The following FARSA variants were observed in gnomAD, a reference collection of about 807,000 sequenced individuals.
FARSA encodes the protein phenylalanine--tRNA ligase alpha subunit.
A neutral mutation model predicts 63.2 loss-of-function variants in FARSA; 37 were observed. That is an observed-to-expected ratio of 0.59 (90% CI 0.45 to 0.77). The LOEUF is 0.77. Among genes scored for constraint, FARSA ranks in the 30% least tolerant of loss-of-function variants. The pLI is 0.00. For synonymous variants in FARSA, 312 were observed against 285.1 expected (o/e 1.09, Z -0.95); for missense variants, 618 against 696.6 (o/e 0.89, Z 1.27).
chr19:12,932,197 T>A (rs1971405517), intron 1 of FARSA, among the ~76,000 whole-genome samples: 1 of 151,666 alleles, frequency 6.6e-6, no homozygotes, highest in African/African-American at 2.4e-5. Flanking sequence ...CCTGGCTAAT[T>A]TTTTTTTGTA....
chr19:12,931,029 C>T (rs572414423), intron 1 of FARSA, among the ~76,000 whole-genome samples: 1 of 152,284 alleles, frequency 6.6e-6, no homozygotes, highest in Admixed American at 6.5e-5. Flanking sequence ...CAAATTCTGT[C>T]GGTTTTGAAC....
Position 12,924,213 on chromosome 19 carries a change from C to T in FARSA, c.1326G>A (p.Met442Ile), listed in dbSNP as rs1040048028. ...TCTCGGGAAGCCCCATGGGCAGCAGCATCTCTGGACGGAAGACCCCCGAGT... is the reference window on the plus strand; with the variant it reads ...TCTCGGGAAGCCCCATGGGCAGCAGTATCTCTGGACGGAAGACCCCCGAGT... The part of the protein sequence containing the change: ...VGNSGVFRPE[M>I]LLPMGLPENV... Residue 442 changes from methionine to isoleucine, a missense_variant, in exon 12 of 13, where the codon ATG becomes ATA. Transcript: ENST00000314606. The surrounding 1 kb of genome is among the most constrained non-coding windows in gnomAD (Gnocchi z 6.4). The T allele has an allele frequency of 6.2e-7, 1 of 1,614,162 alleles. No individual in the cohort carries two copies. The highest frequency in any genetic ancestry group is 1.3e-5 in the African/African-American group (1 of 75,046).
At chr19:12,926,421 G>A (rs867496293) in intron 7 of FARSA, among the ~76,000 whole-genome samples, 12 of 150,390 alleles carry the variant, frequency 8.0e-5, no homozygotes, top group Admixed American at 2.0e-4. Context: ...ACAGGCGCCC[G>A]CCACTATGCC....
chr19:12,924,474 G>A lies in FARSA; in HGVS notation c.1248C>T (p.Ser416=). 1 of 1,613,468 alleles carries A rather than the reference G, an allele frequency of 6.2e-7. No homozygotes were observed. The highest frequency in any genetic ancestry group is 8.5e-7 in the Non-Finnish European group (1 of 1,180,006). Residue 416 remains serine, a synonymous_variant, in exon 11 of 13, where the codon AGC becomes AGT. Transcript: ENST00000314606. This position sits in a 1 kb window ranked among gnomAD's most constrained non-coding sequence, Gnocchi z 6.4. ...CTTGGTGGTAGCTGAACACCTCCAT[G>A]CTGGGCTCTGTGTATGGGTTGTAGG... ...KPAYNPYTEP[S]MEVFSYHQGL...
At chr19:12,926,201 G>A (rs1366721438) in intron 7 of FARSA, among the ~76,000 whole-genome samples, 23 of 147,292 alleles carry the variant, frequency 1.6e-4, no homozygotes, top group Admixed American at 1.4e-3. Context: ...TCCACCCACC[G>A]TGGCCTCCCA....
In FARSA at chr19:12,930,541, G is replaced by A. The variant is rs982891564; in HGVS notation, c.286-14C>T. The A allele has an allele frequency of 1.2e-6, 2 of 1,612,202 alleles. No individual in the cohort carries two copies. The highest frequency in any genetic ancestry group is 2.7e-5 in the African/African-American group (2 of 75,060). On this transcript the variant is annotated splice_polypyrimidine_tract_variant and intron_variant, in intron 2 of 12. Coordinates refer to ENST00000314606, the MANE Select transcript of FARSA (RefSeq NM_004461.3). Reference sequence around the variant, plus strand: ...ACTGGGCAGTCGCTGGAAAAGAGAGGCTGCAGTGAGTGGGGCACGAGGGCC... The same window carrying A: ...ACTGGGCAGTCGCTGGAAAAGAGAGACTGCAGTGAGTGGGGCACGAGGGCC...
chr19:12,923,024 A>C, intron 12 of FARSA, 138 bp from the exon 13 acceptor site: 1 of 1,098,050 alleles, frequency 9.1e-7, no homozygotes, highest in Non-Finnish European at 1.3e-6. Flanking sequence ...CAACTGCTCT[A>C]TCACCTCTCA....
chr19:12,927,894 C>T (rs1163332595), intron 7 of FARSA, among the ~76,000 whole-genome samples: 1 of 146,612 alleles, frequency 6.8e-6, no homozygotes, highest in Non-Finnish European at 1.5e-5. Context: ...TGGTGGTATG[C>T]ACCTGTAATC....
rs1971417302 is a variant in FARSA at position 12,933,476 on chromosome 19, G to C, written c.147+74C>G. 1.0e-5 allele frequency: 15 copies of C among 1,495,128 alleles called. 1 individual carries two copies. In the South Asian group the frequency reaches 1.8e-4, roughly 18 times the overall value. The allele number at this position is 1,495,128 out of a possible 1,614,324, so 92.6% of individuals were successfully genotyped here. A position where few individuals can be genotyped will look rare whatever the true frequency, so the allele number is the denominator to read the frequency against. On this transcript the variant is annotated intron_variant, in intron 1 of 12. Transcript: ENST00000314606. ...AACTAGGCCTGAGGGAATTTGGCTTGGACGTAGAGCGCCCGTGGCAAGGGG... is the reference window on the plus strand; with the variant it reads ...AACTAGGCCTGAGGGAATTTGGCTTCGACGTAGAGCGCCCGTGGCAAGGGG...
chr19:12,925,159 A>G lies in FARSA; in HGVS notation c.857T>C (p.Leu286Pro), dbSNP rs776597184. 11 of 1,595,208 alleles carry G rather than the reference A, an allele frequency of 6.9e-6. No homozygotes were observed. In the African/African-American group the frequency reaches 1.2e-4, roughly 18 times the overall value. ...CTGGACATAGTCCATTGGGAGCTGC[A>G]GGGCCTCCGCTGGATCTGGGCAGGA... ...TFFLRDPAEA[L>P]QLPMDYVQRV... The change falls in exon 8 of 13, where the codon CTG becomes CCG. Residue 286 changes from leucine (L) to proline (P), a missense_variant. By Grantham distance (98) the Leu-to-Pro change is moderately conservative (BLOSUM62 -3). Transcript: ENST00000314606.
rs1971421205 is a variant in FARSA, at chr19:12,933,691, C to A, written c.6G>T (p.Ala2=). The A allele has an allele frequency of 1.3e-6, 2 of 1,568,432 alleles. No individual in the cohort carries two copies. Among genetic ancestry groups the A allele is most frequent in the Admixed American group, 1.8e-5 (1 of 55,406 alleles). The change falls in exon 1 of 13, where the codon GCG becomes GCT. Residue 2 remains alanine, a synonymous_variant. Coordinates refer to ENST00000314606, the MANE Select transcript of FARSA (RefSeq NM_004461.3). The part of the protein sequence containing the change: M[A]DGQVAELLLR... ...GCAGCAGTTCCGCCACCTGACCATC[C>A]GCCATGACTCCTTCCAGTGTGCTCA...
At chr19:12,930,077 T>G in intron 4 of FARSA, 146 bp downstream of exon 4, 1 of 685,354 alleles carries the variant, frequency 1.5e-6, no homozygotes, top group Non-Finnish European at 2.6e-6. Flanking sequence ...CCAAGGCACG[T>G]AGGCTTGACA....
At position 12,922,783 on chromosome 19, in the gene FARSA, C is replaced by T. The variant is rs777702304; in HGVS notation, c.1492G>A (p.Glu498Lys). ...YDSPLCRLDAEPRPPPTQEAA is the reference protein window; with the variant it reads ...YDSPLCRLDAKPRPPPTQEAA ...TCCTGTGTGGGAGGGGGCCTCGGCT[C>T]GGCATCCAGGCGGCACAGGGGACTG... Residue 498 changes from glutamate (E) to lysine (K), a missense_variant, in exon 13 of 13, where the codon GAG (glutamate) becomes AAG (lysine). Glu to Lys is a moderately conservative substitution (Grantham distance 56). Coordinates refer to ENST00000314606, the MANE Select transcript of FARSA (RefSeq NM_004461.3). 3.8e-5 allele frequency: 62 copies of T among 1,613,936 alleles called. No homozygotes were observed. The highest frequency in any genetic ancestry group is 8.9e-5 in the East Asian group (4 of 44,894).
At chr19:12,925,035 T>C (rs774765328) in intron 8 of FARSA, 32 bp from the exon 9 acceptor site, 11 of 1,612,906 alleles carry the variant, frequency 6.8e-6, no homozygotes, top group Non-Finnish European at 9.3e-6. Context: ...GTCCATGCAA[T>C]GGCCCAGGGG....
chr19:12,928,931 T>C, intron 4 of FARSA, 84 bp from the exon 5 acceptor site: 2 of 1,175,890 alleles, frequency 1.7e-6, no homozygotes, highest in Non-Finnish European at 2.5e-6. Context: ...AGGATCCCCA[T>C]GCTACCTACC....
Position 12,924,533 on chromosome 19 carries a change from G to C in FARSA, c.1196-7C>G, listed in dbSNP as rs752447848. The C allele has an allele frequency of 6.2e-7, 1 of 1,613,536 alleles. No individual in the cohort carries two copies. Among genetic ancestry groups the C allele is most frequent in the South Asian group, 1.1e-5 (1 of 91,082 alleles). On this transcript the variant is annotated splice_region_variant and splice_polypyrimidine_tract_variant and intron_variant, in intron 10 of 12. Coordinates refer to ENST00000314606, the MANE Select transcript of FARSA (RefSeq NM_004461.3). This position sits in a 1 kb window ranked among gnomAD's most constrained non-coding sequence, Gnocchi z 6.4. The stretch of plus-strand genomic sequence containing the variant: ...AAGCGGAGTTGCGTGATACCTGCAG[G>C]AAGTGGGGGGCGGGCAGGAGAGCAG...
At chr19:12,922,929 G>A in intron 12 of FARSA, 43 bp from the exon 13 acceptor site, 1 of 1,612,658 alleles carries the variant, frequency 6.2e-7, no homozygotes, top group East Asian at 2.2e-5. Flanking sequence ...GTCAGCACGT[G>A]CACCCTTCTG....
chr19:12,922,829 C>T lies in FARSA; in HGVS notation c.1446G>A (p.Val482=), dbSNP rs1971279628. Residue 482 remains valine, a synonymous_variant, in exon 13 of 13, where the codon GTG becomes GTA. Transcript: ENST00000314606. ...GACTGTCATACACCATCTGCAGGTT[C>T]ACCTTGTGGCCCACCAGCTCCCGGA... The part of the protein sequence containing the change: ...NNIRELVGHK[V]NLQMVYDSPL... The T allele has an allele frequency of 6.2e-7, 1 of 1,614,166 alleles. No individual in the cohort carries two copies. The highest frequency in any genetic ancestry group is 8.5e-7 in the Non-Finnish European group (1 of 1,180,036).
intron 7 of FARSA, among the ~76,000 whole-genome samples, chr19:12,927,589 G>A (rs1023967310): frequency 2.0e-5 from 3 of 151,498 alleles, no homozygotes; most frequent in Non-Finnish European, 4.4e-5. Context: ...AAAATTAGCC[G>A]AGCGTGGTGG....
Sources: gnomAD v4.1 joint callset for allele counts (sites outside exome capture counted in the v4.1 genomes callset) on GRCh38, gnomAD v4.1.1 for gene constraint, Gnocchi (gnomAD v3.1) non-coding constraint, MANE v1.5 for transcripts, NCBI Gene and HGNC (gene_info 2026-07-23, HGNC 2026-07-21) for gene names.